PRKG1: variants seen among roughly 807,000 people sequenced by gnomAD.
PRKG1 encodes protein kinase cGMP-dependent 1, also known as cGMP-dependent protein kinase 1.
PRKG1 carries 35 observed loss-of-function variants against 88.1 expected under a neutral mutation model. That is an observed-to-expected ratio of 0.40 (90% CI 0.30 to 0.53). The LOEUF (loss-of-function observed/expected upper bound fraction) is 0.53, where lower values mean the gene tolerates loss of function less well. Among genes scored for constraint, PRKG1 ranks in the 20% least tolerant of loss-of-function variants. The probability of loss-of-function intolerance (pLI) is 0.59; values close to 1 mark genes in which losing one functional copy is unlikely to be tolerated. For synonymous variants in PRKG1, 303 were observed against 292.5 expected (o/e 1.04, Z -0.37); for missense variants, 540 against 839.8 (o/e 0.64, Z 4.41).
chr10:51,988,905 T>C (rs540649103), intron 5 of PRKG1, among the ~76,000 whole-genome samples: 6 of 152,250 alleles, frequency 3.9e-5, no homozygotes, highest in African/African-American at 1.4e-4. Context: ...ATATAAATCT[T>C]TTATGTTGTT....
At chr10:51,216,623 A>G (rs1399707238) in intron 2 of PRKG1, among the ~76,000 whole-genome samples, 1 of 152,204 alleles carries the variant, frequency 6.6e-6, no homozygotes, top group East Asian at 1.9e-4. Flanking sequence ...TCTTATAATA[A>G]ATGCTGTCAT....
chr10:52,044,824 T>G (rs1331405370), intron 5 of PRKG1, among the ~76,000 whole-genome samples: 3 of 152,168 alleles, frequency 2.0e-5, no homozygotes, highest in Non-Finnish European at 4.4e-5. Context: ...GGGTTACAGC[T>G]TCTCTTGGTT....
intron 1 of PRKG1, among the ~76,000 whole-genome samples, chr10:50,998,299 C>T (rs930969116): frequency 6.6e-6 from 1 of 152,158 alleles, no homozygotes; most frequent in African/African-American, 2.4e-5. Flanking sequence ...TTTATTTGCA[C>T]AAGTCATATG....
At chr10:52,055,169 A>C (rs1325546493) in intron 6 of PRKG1, among the ~76,000 whole-genome samples, 1 of 152,190 alleles carries the variant, frequency 6.6e-6, no homozygotes. Flanking sequence ...TAGGTCACTT[A>C]CAAAATTCAT....
intron 8 of PRKG1, among the ~76,000 whole-genome samples, chr10:52,145,572 G>C (rs1023653562): frequency 6.6e-6 from 1 of 152,120 alleles, no homozygotes; most frequent in Non-Finnish European, 1.5e-5. Flanking sequence ...GAGGTGGAGG[G>C]CACCAGGATT....
chr10:52,052,147 C>T (rs1173866606), intron 5 of PRKG1, among the ~76,000 whole-genome samples: 1 of 152,082 alleles, frequency 6.6e-6, no homozygotes, highest in African/African-American at 2.4e-5. Context: ...TCAGTAGCCC[C>T]ATGTGTCTTG....
At chr10:51,737,725 AT>A (rs1564627317) in intron 3 of PRKG1, among the ~76,000 whole-genome samples, 8 of 110,972 alleles carry the variant, frequency 7.2e-5, no homozygotes, top group African/African-American at 3.3e-4. Flanking sequence ...TTATTTATTT[AT>A]TTATTTATTT....
intron 3 of PRKG1, among the ~76,000 whole-genome samples, chr10:51,729,342 A>G (rs922836049): frequency 3.3e-5 from 5 of 152,182 alleles, no homozygotes; most frequent in Admixed American, 6.5e-5. Context: ...TATTATCTCT[A>G]GTGGAAAGGT....
chr10:51,298,038 C>G (rs1421607355), intron 2 of PRKG1, among the ~76,000 whole-genome samples: 1 of 152,028 alleles, frequency 6.6e-6, no homozygotes, highest in East Asian at 1.9e-4. Flanking sequence ...AACCATTATT[C>G]CTTCATCAGT....
In PRKG1 at chr10:51,949,388, G is replaced by C. The variant is rs189091920; in HGVS notation, c.762+41818G>C. The stretch of plus-strand genomic sequence containing the variant: ...GGCACTTTGGGAGGCCAAGGCAGGA[G>C]GATCACTTGAGACCAGGAGTTCGAG... On this transcript the variant is annotated intron_variant, in intron 5 of 17. Coordinates refer to ENST00000373980, the MANE Select transcript of PRKG1 (RefSeq NM_006258.4). 5.5e-4 allele frequency among the ~76,000 whole-genome samples: 84 copies of C among 152,080 alleles called. No homozygotes were observed. The East Asian group carries it at 0.015, about 27-fold the overall frequency.
At chr10:51,643,875 T>C (rs1164100663) in intron 3 of PRKG1, among the ~76,000 whole-genome samples, 4 of 152,174 alleles carry the variant, frequency 2.6e-5, no homozygotes, top group Admixed American at 2.6e-4. Context: ...AAACTTCCTG[T>C]CCCATCACCC....
At chr10:51,965,445 G>C (rs758909159) in intron 5 of PRKG1, among the ~76,000 whole-genome samples, 1 of 152,156 alleles carries the variant, frequency 6.6e-6, no homozygotes, top group African/African-American at 2.4e-5. Flanking sequence ...CAAATTGTAT[G>C]TAAGATTTAA....
intron 3 of PRKG1, among the ~76,000 whole-genome samples, chr10:51,650,930 G>A (rs1019716137): frequency 2.0e-5 from 3 of 152,050 alleles, no homozygotes; most frequent in Admixed American, 6.5e-5. Flanking sequence ...CCTAAAACTC[G>A]TTTTACATTT....
chr10:52,213,945 T>G (rs757381796), intron 9 of PRKG1, among the ~76,000 whole-genome samples: 2 of 152,168 alleles, frequency 1.3e-5, no homozygotes, highest in Non-Finnish European at 2.9e-5. Flanking sequence ...CAAACATACA[T>G]TTAATACATC....
chr10:52,217,356 A>ATC (rs1564519766), intron 9 of PRKG1, among the ~76,000 whole-genome samples: 43 of 87,834 alleles, frequency 4.9e-4, no homozygotes, highest in Admixed American at 5.9e-4. Context: ...ATCTATCTAT[A>ATC]TATATATATA....
intron 3 of PRKG1, among the ~76,000 whole-genome samples, chr10:51,616,153 G>T (rs1280046856): frequency 6.6e-6 from 1 of 152,330 alleles, no homozygotes; most frequent in Non-Finnish European, 1.5e-5. Flanking sequence ...GGTTTTGCGG[G>T]GGACTTGAAT....
intron 2 of PRKG1, among the ~76,000 whole-genome samples, chr10:51,154,744 A>C (rs1385757596): frequency 2.0e-5 from 3 of 152,018 alleles, no homozygotes; most frequent in Non-Finnish European, 4.4e-5. Context: ...CCCAGGCCAA[A>C]AAATATAAAT....
At chr10:51,668,886 T>TA (rs1840487506) in intron 3 of PRKG1, among the ~76,000 whole-genome samples, 1 of 152,194 alleles carries the variant, frequency 6.6e-6, no homozygotes, top group Non-Finnish European at 1.5e-5. Context: ...TTATTGTTTC[T>TA]AAAATAACTG....
chr10:51,088,349 T>C (rs756516950), intron 1 of PRKG1, among the ~76,000 whole-genome samples: 2 of 152,062 alleles, frequency 1.3e-5, no homozygotes, highest in African/African-American at 2.4e-5. Flanking sequence ...TTTCTGATTC[T>C]TTATTCTGGC....
Sources: allele counts gnomAD v4.1 joint callset (sites outside exome capture counted in the v4.1 genomes callset), GRCh38; gene constraint gnomAD v4.1.1; transcripts MANE v1.5; gene names NCBI Gene and HGNC (gene_info 2026-07-23, HGNC 2026-07-21).